Variants in CCDC15 observed in about 807,000 individuals in gnomAD.
The protein encoded by CCDC15 is coiled-coil domain-containing protein 15.
CCDC15 carries 105 observed loss-of-function variants against 114.5 expected under a neutral mutation model. The ratio of observed to expected loss-of-function variants is 0.92; its 90% CI spans 0.78 to 1.08. CCDC15 has a LOEUF of 1.08. Among genes scored for constraint, CCDC15 ranks in the 50% least tolerant of loss-of-function variants. The pLI is 0.00. For synonymous variants in CCDC15, 334 were observed against 377.8 expected, an observed-to-expected ratio of 0.88 and a Z score of 1.34; for missense variants, 1,105 against 1,093.6, an observed-to-expected ratio of 1.01 and a Z score of -0.15.
rs927894150 is a variant in CCDC15 at position 124,998,300 on chromosome 11, G to A, written c.2214+5057G>A. ...TGTCTATGAGAAATAATTATCCTGT[G>A]CTTCCTTATAGTCAGTGTTTAAAAA... On this transcript the variant is annotated intron_variant, in intron 11 of 15. Coordinates refer to ENST00000344762, the MANE Select transcript of CCDC15 (RefSeq NM_025004.3). 5.7e-4 allele frequency among the ~76,000 whole-genome samples: 86 copies of A among 152,156 alleles called. 1 individual carries two copies. Among genetic ancestry groups the A allele is most frequent in the African/African-American group, 2.0e-3 (82 of 41,452 alleles).
Position 124,993,220 on chromosome 11 carries a change from G to A in CCDC15, c.2191G>A (p.Gly731Arg). 2 of 1,605,694 alleles carry A rather than the reference G, an allele frequency of 1.2e-6. No homozygotes were observed. The highest frequency in any genetic ancestry group is 8.5e-7 in the Non-Finnish European group (1 of 1,174,322). The change falls in exon 11 of 16, where the codon GGA (glycine) becomes AGA (arginine). Residue 731 changes from glycine to arginine, a missense_variant. By Grantham distance (125) the Gly-to-Arg change is moderately radical. Coordinates refer to ENST00000344762, the MANE Select transcript of CCDC15 (RefSeq NM_025004.3). ...TTTTGAGAAATGGGAGATTGCAAGA[G>A]GAAATACTCCTGGAGTGCCCTTGGT... ...SSFEKWEIAR[G>R]NTPGVPLAYD...
chr11:125,022,087 G>T (rs949250790), intron 13 of CCDC15, among the ~76,000 whole-genome samples: 1 of 151,810 alleles, frequency 6.6e-6, no homozygotes, highest in Non-Finnish European at 1.5e-5. Flanking sequence ...TCTTAGGCTC[G>T]TCTTTTAACT....
intron 11 of CCDC15, among the ~76,000 whole-genome samples, chr11:124,994,642 T>A (rs1306248713): frequency 1.3e-5 from 2 of 152,132 alleles, no homozygotes. Flanking sequence ...AGTAAGCTGG[T>A]AGAGCATAAG....
chr11:124,997,334 A>G (rs1035831740), intron 11 of CCDC15, among the ~76,000 whole-genome samples: 1 of 152,222 alleles, frequency 6.6e-6, no homozygotes, highest in Admixed American at 6.5e-5. Context: ...TCAGTTGCCC[A>G]GGCTGGATTG....
chr11:125,002,533 T>G (rs1948496391), intron 11 of CCDC15, among the ~76,000 whole-genome samples: 1 of 152,140 alleles, frequency 6.6e-6, no homozygotes, highest in Admixed American at 6.5e-5. Context: ...GTATTAGCTC[T>G]TATATTTAGG....
chr11:125,002,946 T>A (rs1274443842), intron 11 of CCDC15, among the ~76,000 whole-genome samples: 1 of 152,082 alleles, frequency 6.6e-6, no homozygotes, highest in Non-Finnish European at 1.5e-5. Flanking sequence ...AACTGACATT[T>A]TGATGGAGGA....
At chr11:124,988,483 G>A (rs1483312762) in intron 8 of CCDC15, among the ~76,000 whole-genome samples, 1 of 152,196 alleles carries the variant, frequency 6.6e-6, no homozygotes, top group African/African-American at 2.4e-5. Context: ...TTGGCTCAAT[G>A]TTGTTATCTG....
chr11:124,974,468 G>A (rs539105662), intron 4 of CCDC15, among the ~76,000 whole-genome samples: 1 of 152,264 alleles, frequency 6.6e-6, no homozygotes, highest in Non-Finnish European at 1.5e-5. Flanking sequence ...TCATTTATTA[G>A]GTGTTACTTA....
intron 13 of CCDC15, among the ~76,000 whole-genome samples, chr11:125,028,884 A>ATATTTATCT (rs1948721307): frequency 1.3e-5 from 2 of 152,134 alleles, no homozygotes. Context: ...GGACAGAACT[A>ATATTTATCT]ATGGAATAGA....
At chr11:125,022,134 A>T (rs939389941) in intron 13 of CCDC15, among the ~76,000 whole-genome samples, 1 of 151,812 alleles carries the variant, frequency 6.6e-6, no homozygotes, top group African/African-American at 2.4e-5. Context: ...TCTCTAACTT[A>T]TTTCACACAT....
chr11:124,980,553 T>G (rs1948054805), intron 6 of CCDC15, among the ~76,000 whole-genome samples: 1 of 152,248 alleles, frequency 6.6e-6, no homozygotes, highest in Admixed American at 6.5e-5. Context: ...CTAGCTTGTG[T>G]GCATAGAGGT....
At chr11:125,007,517 T>C (rs1281588611) in intron 13 of CCDC15, among the ~76,000 whole-genome samples, 1 of 152,228 alleles carries the variant, frequency 6.6e-6, no homozygotes, top group Non-Finnish European at 1.5e-5. Flanking sequence ...TTGACAATTG[T>C]GAATGGTGCC....
chr11:124,991,472 T>C lies in CCDC15; in HGVS notation c.1920T>C (p.Phe640=). ...ATTTTATCTTTTAGAAAGTACACTT[T>C]AAGGAGCCATACTCTGATATGACAG... ...DFLPKYQKVH[F]KEPYSDMTDE... The change falls in exon 9 of 16, where the codon TTT becomes TTC. Residue 640 remains phenylalanine, a synonymous_variant. Transcript: ENST00000344762. 1 of 1,563,910 alleles carries C rather than the reference T, an allele frequency of 6.4e-7. No homozygotes were observed. The highest frequency in any genetic ancestry group is 8.7e-7 in the Non-Finnish European group (1 of 1,145,692).
At chr11:125,013,104 T>A (rs1220521035) in intron 13 of CCDC15, among the ~76,000 whole-genome samples, 1 of 152,140 alleles carries the variant, frequency 6.6e-6, no homozygotes, top group Non-Finnish European at 1.5e-5. Context: ...CATGATAGGA[T>A]GAGCACCAAG....
At chr11:124,995,558 T>C (rs1349224650) in intron 11 of CCDC15, among the ~76,000 whole-genome samples, 2 of 152,116 alleles carry the variant, frequency 1.3e-5, no homozygotes, top group African/African-American at 2.4e-5. Flanking sequence ...TTTTAGGTGT[T>C]AGCCATTGTT....
At chr11:124,960,498 G>A (rs563577607) in intron 4 of CCDC15, among the ~76,000 whole-genome samples, 10 of 152,052 alleles carry the variant, frequency 6.6e-5, no homozygotes, top group African/African-American at 1.4e-4. Flanking sequence ...TCTTACCTTC[G>A]TTGCAAAGAA....
At position 124,975,188 on chromosome 11, in the gene CCDC15, G is replaced by GA. The variant is rs775732179; in HGVS notation, c.613dup (p.Ser205LysfsTer29). 1.3e-4 allele frequency: 201 copies of GA among 1,588,418 alleles called. No homozygotes were observed. The highest frequency in any genetic ancestry group is 3.5e-4 in the Admixed American group (19 of 54,944). On this transcript the variant is annotated frameshift_variant, in exon 5 of 16. Coordinates refer to ENST00000344762, the MANE Select transcript of CCDC15 (RefSeq NM_025004.3). LOFTEE classifies it high-confidence loss of function. The stretch of plus-strand genomic sequence containing the variant: ...GATCAGTGTTTCCAGATGATGGAAG[G>GA]AAAAGCTTTCTTACCAGAGAGGTAA...
chr11:124,976,805 C>T (rs763593582), intron 5 of CCDC15, among the ~76,000 whole-genome samples: 9 of 152,038 alleles, frequency 5.9e-5, no homozygotes, highest in East Asian at 1.9e-4. Flanking sequence ...CAGTTTTTTA[C>T]GTCAGAGGTG....
At chr11:124,979,971 G>GT (rs1174181858) in intron 6 of CCDC15, among the ~76,000 whole-genome samples, 1 of 152,016 alleles carries the variant, frequency 6.6e-6, no homozygotes, top group Non-Finnish European at 1.5e-5. Flanking sequence ...TTTGTTGAGG[G>GT]TTTTTAACAT....
Sources: gnomAD v4.1 joint callset for allele counts (sites outside exome capture counted in the v4.1 genomes callset) on GRCh38, gnomAD v4.1.1 for gene constraint, MANE v1.5 for transcripts, NCBI Gene and HGNC (gene_info 2026-07-23, HGNC 2026-07-21) for gene names.